Variants in STXBP5 observed in about 807,000 individuals in gnomAD.
STXBP5 encodes the protein syntaxin binding protein 5.
Under a neutral mutation model 152.4 loss-of-function variants are expected in STXBP5, and 50 were observed. The observed-to-expected ratio is 0.33, with a 90% CI of 0.26 to 0.42. The LOEUF (loss-of-function observed/expected upper bound fraction) is 0.42. STXBP5 is among the 10% of genes least tolerant of loss of function. The probability of loss-of-function intolerance (pLI) is 1.00; values close to 1 mark genes in which losing one functional copy is unlikely to be tolerated. For missense variants in STXBP5, 1,167 were observed against 1,388.6 expected, an observed-to-expected ratio of 0.84 and a Z score of 2.54; for synonymous variants, 492 against 494.7, an observed-to-expected ratio of 0.99 and a Z score of 0.07.
At chr6:147,334,283 C>T in intron 19 of STXBP5, 61 bp downstream of exon 19, 1 of 1,464,614 alleles carries the variant, frequency 6.8e-7, no homozygotes. Context: ...AGATAGCATA[C>T]TAGTGTACAT....
chr6:147,361,288 C>A (rs538356386), intron 23 of STXBP5, among the ~76,000 whole-genome samples: 1 of 151,898 alleles, frequency 6.6e-6, no homozygotes, highest in Non-Finnish European at 1.5e-5. Context: ...AATGACTGAG[C>A]GGGATTAAAT....
At chr6:147,287,347 C>T (rs916752635) in intron 8 of STXBP5, among the ~76,000 whole-genome samples, 6 of 149,752 alleles carry the variant, frequency 4.0e-5, no homozygotes, top group South Asian at 2.1e-4. Flanking sequence ...GGACTACAGG[C>T]GCCCGCCACT....
intron 2 of STXBP5, among the ~76,000 whole-genome samples, chr6:147,230,893 AATT>A (rs1163058311): frequency 6.6e-6 from 1 of 151,824 alleles, no homozygotes; most frequent in African/African-American, 2.4e-5. Context: ...GTAGTATTGT[AATT>A]GACACAACTT....
intron 2 of STXBP5, among the ~76,000 whole-genome samples, chr6:147,227,026 G>T (rs1435438681): frequency 6.6e-6 from 1 of 152,140 alleles, no homozygotes; most frequent in Non-Finnish European, 1.5e-5. Flanking sequence ...AGCAGGTAGG[G>T]TTAGAAAGAA....
intron 8 of STXBP5, among the ~76,000 whole-genome samples, chr6:147,279,200 T>C (rs914709370): frequency 5.3e-5 from 8 of 152,208 alleles, no homozygotes; most frequent in Admixed American, 3.9e-4. Flanking sequence ...ACAAAACTTA[T>C]AAGAAATTTT....
intron 26 of STXBP5, among the ~76,000 whole-genome samples, chr6:147,382,317 C>A (rs749810902): frequency 7.9e-5 from 12 of 152,118 alleles, no homozygotes; most frequent in Admixed American, 6.6e-5. Context: ...CTTCATTTAT[C>A]TTTACTTCTG....
intron 24 of STXBP5, 62 bp downstream of exon 24, chr6:147,363,766 G>A: frequency 6.5e-7 from 1 of 1,526,974 alleles, no homozygotes; most frequent in Non-Finnish European, 8.7e-7. Flanking sequence ...CTATACTACA[G>A]AATTGTTTAA....
At chr6:147,384,474 C>T (rs1786244426) in intron 27 of STXBP5, among the ~76,000 whole-genome samples, 2 of 152,084 alleles carry the variant, frequency 1.3e-5, no homozygotes, top group African/African-American at 4.8e-5. Context: ...GCTTAGGTCA[C>T]CAAATTATGT....
At chr6:147,227,088 A>G (rs568632098) in intron 2 of STXBP5, among the ~76,000 whole-genome samples, 2 of 152,304 alleles carry the variant, frequency 1.3e-5, no homozygotes, top group East Asian at 1.9e-4. Context: ...TTAAAATTCC[A>G]GAATGTGAGG....
intron 11 of STXBP5, among the ~76,000 whole-genome samples, chr6:147,313,255 A>G (rs1310838984): frequency 2.0e-5 from 3 of 152,200 alleles, no homozygotes; most frequent in Non-Finnish European, 4.4e-5. Context: ...TTTCCAGACT[A>G]TTCTCATTCT....
intron 9 of STXBP5, among the ~76,000 whole-genome samples, chr6:147,299,462 T>G (rs537108778): frequency 2.0e-4 from 31 of 152,046 alleles, no homozygotes; most frequent in Admixed American, 3.3e-4. Flanking sequence ...TCAAACTGTT[T>G]CAAAAAATTG....
intron 22 of STXBP5, among the ~76,000 whole-genome samples, chr6:147,355,750 G>T (rs1304800744): frequency 6.6e-6 from 1 of 151,948 alleles, no homozygotes; most frequent in Non-Finnish European, 1.5e-5. Flanking sequence ...TCAATAAAAT[G>T]ATAAATGTAA....
intron 10 of STXBP5, among the ~76,000 whole-genome samples, chr6:147,310,722 G>A (rs1160257843): frequency 6.6e-6 from 1 of 152,116 alleles, no homozygotes; most frequent in East Asian, 1.9e-4. Context: ...TTGCAATCTT[G>A]AGGCACAATT....
rs1181289273 is a variant in STXBP5 at position 147,363,791 on chromosome 6, G to T, written c.2915+87G>T. The T allele has an allele frequency of 1.1e-5, 16 of 1,501,458 alleles. No homozygotes were observed. The highest frequency in any genetic ancestry group is 2.0e-4 in the Middle Eastern group (1 of 5,096). The allele number at this position is 1,501,458 out of a possible 1,614,324, so 93.0% of individuals were successfully genotyped here. Reference sequence around the variant, plus strand: ...GAATTGTTTAAAAGAAATGCTTTTTGTGTGTGTATAGTCTTATACTCTGAG... The same window carrying T: ...GAATTGTTTAAAAGAAATGCTTTTTTTGTGTGTATAGTCTTATACTCTGAG... On this transcript the variant is annotated intron_variant, in intron 24 of 27. Coordinates refer to ENST00000321680, the MANE Select transcript of STXBP5 (RefSeq NM_001127715.4).
At chr6:147,249,401 C>T (rs1778976552) in intron 4 of STXBP5, among the ~76,000 whole-genome samples, 1 of 152,150 alleles carries the variant, frequency 6.6e-6, no homozygotes, top group Non-Finnish European at 1.5e-5. Context: ...AAAGCACATA[C>T]TGCCCAAAAC....
In STXBP5 at chr6:147,305,254, A is replaced by G. The variant is rs1248196404; in HGVS notation, c.918-4830A>G. On this transcript the variant is annotated intron_variant, in intron 9 of 27. Transcript: ENST00000321680. ...TGTTTTACAAAAGCATAGCTTTTCA[A>G]CAAATTTAAAAAAAAATTTAAATAC... 3.9e-5 allele frequency among the ~76,000 whole-genome samples: 6 copies of G among 152,234 alleles called. No homozygotes were observed. In the East Asian group the frequency reaches 1.2e-3, roughly 29 times the overall value.
rs117730835 is a variant in STXBP5 at position 147,324,056 on chromosome 6, C to T, written c.1803-903C>T. ...TGTTCTGCAAGAGCATTTTTTGTAG[C>T]ATTATCCAGCAATTATTAAAAAAGA... On this transcript the variant is annotated intron_variant, in intron 16 of 27. Transcript: ENST00000321680. Among the ~76,000 whole-genome samples the T allele has an allele frequency of 3.3e-3, 501 of 152,192 alleles. 2 individuals are homozygous for T. The highest frequency in any genetic ancestry group is 5.1e-3 in the Non-Finnish European group (349 of 68,004).
At chr6:147,221,585 C>G (rs1727851379) in intron 2 of STXBP5, among the ~76,000 whole-genome samples, 1 of 150,608 alleles carries the variant, frequency 6.6e-6, no homozygotes, top group South Asian at 2.1e-4. Context: ...TTTTATTTCT[C>G]TCTCTTCTTG....
Position 147,364,005 on chromosome 6 carries a change from C to T in STXBP5, c.2920C>T (p.Pro974Ser). Residue 974 changes from proline to serine, a missense_variant, in exon 25 of 28, where the codon CCA becomes TCA. Pro to Ser is a moderately conservative substitution (Grantham distance 74). This residue lies in a region of STXBP5 where 833 missense variants were observed against 986.3 expected (regional missense o/e 0.84). Transcript: ENST00000321680. ...ANGHIMTFSL[P>S]SLRPLLDVYY... ...GTTTTTAATTTTTTTCTCAAGTTTGCCAAGTTTAAGACCTCTGTTGGATGT... is the reference window on the plus strand; with the variant it reads ...GTTTTTAATTTTTTTCTCAAGTTTGTCAAGTTTAAGACCTCTGTTGGATGT... 6.2e-7 allele frequency: 1 copy of T among 1,609,170 alleles called. No individual in the cohort carries two copies.
Sources: gnomAD v4.1 joint callset for allele counts (sites outside exome capture counted in the v4.1 genomes callset) on GRCh38, gnomAD v4.1.1 for gene constraint, gnomAD v4.1.1 regional missense constraint, MANE v1.5 for transcripts, NCBI Gene and HGNC (gene_info 2026-07-23, HGNC 2026-07-21) for gene names.